Variants in RAPGEF5 observed in about 807,000 individuals in gnomAD.
The protein encoded by RAPGEF5 is Rap guanine nucleotide exchange factor 5.
RAPGEF5 carries 65 observed loss-of-function variants against 125.2 expected under a neutral mutation model. That is an observed-to-expected ratio of 0.52 (90% CI 0.43 to 0.64). The LOEUF (loss-of-function observed/expected upper bound fraction) is 0.64, where lower values mean the gene tolerates loss of function less well. Ranked by LOEUF, RAPGEF5 falls within the 30% of genes least tolerant of loss-of-function variation. RAPGEF5 has a pLI of 0.00. For synonymous variants in RAPGEF5, 391 were observed against 385.9 expected (o/e 1.01, Z -0.16); for missense variants, 958 against 1,048.1 (o/e 0.91, Z 1.19).
intron 24 of RAPGEF5, among the ~76,000 whole-genome samples, chr7:22,129,205 A>T (rs1225308695): frequency 1.3e-5 from 2 of 151,110 alleles, no homozygotes; most frequent in African/African-American, 4.9e-5. Context: ...TCTGAGGGGG[A>T]AATGACATAA....
chr7:22,210,877 T>C (rs1234635422), intron 9 of RAPGEF5, among the ~76,000 whole-genome samples: 2 of 152,158 alleles, frequency 1.3e-5, no homozygotes, highest in African/African-American at 4.8e-5. Flanking sequence ...CAGTTAAACC[T>C]AAGTACTGCA....
At position 22,119,243 on chromosome 7, in the gene RAPGEF5, T is replaced by C. The variant is rs1782505822; in HGVS notation, c.*3163A>G. 6.6e-6 allele frequency: 1 copy of C among 152,210 alleles called. No individual in the cohort carries two copies. The highest frequency in any genetic ancestry group is 2.1e-4 in the South Asian group (1 of 4,826). The allele number at this position is 152,210 out of a possible 1,614,324, so 9.4% of individuals were successfully genotyped here. On this transcript the variant is annotated 3_prime_UTR_variant, in exon 26 of 26. Transcript: ENST00000665637. The surrounding 1 kb of genome is among the most constrained non-coding windows in gnomAD (Gnocchi z 4.1). Reference sequence around the variant, plus strand: ...TCCTCCACTCAGAGGCAAGTATATATTCATGCAGCATCCTCTCCCTGTGGA... The same window carrying C: ...TCCTCCACTCAGAGGCAAGTATATACTCATGCAGCATCCTCTCCCTGTGGA...
intron 11 of RAPGEF5, among the ~76,000 whole-genome samples, chr7:22,190,722 T>C (rs1784967627): frequency 6.6e-6 from 1 of 152,190 alleles, no homozygotes; most frequent in Non-Finnish European, 1.5e-5. Flanking sequence ...TTTTCACAAA[T>C]TAGTGACTTT....
intron 18 of RAPGEF5, among the ~76,000 whole-genome samples, chr7:22,150,127 TG>T (rs1201210965): frequency 7.0e-6 from 1 of 141,956 alleles, no homozygotes; most frequent in Admixed American, 7.4e-5. Context: ...TCACCTGGGC[TG>T]GAGTGCAATG....
intron 1 of RAPGEF5, among the ~76,000 whole-genome samples, chr7:22,355,783 T>C (rs1034213579): frequency 2.0e-5 from 3 of 152,080 alleles, no homozygotes; most frequent in African/African-American, 4.8e-5. Flanking sequence ...TGAAAACAAG[T>C]GGTTATCCCT....
chr7:22,150,554 T>TAGC, intron 17 of RAPGEF5, 50 bp from the exon 18 acceptor site: 1 of 1,535,606 alleles, frequency 6.5e-7, no homozygotes, highest in Admixed American at 1.9e-5. Context: ...AATACAAGAG[T>TAGC]AGCAGCAGTA....
chr7:22,152,382 A>C (rs899136091), intron 17 of RAPGEF5, among the ~76,000 whole-genome samples: 7 of 152,204 alleles, frequency 4.6e-5, no homozygotes, highest in Non-Finnish European at 1.0e-4. Context: ...ATCTGAATTT[A>C]TGAGAGCCAT....
intron 7 of RAPGEF5, among the ~76,000 whole-genome samples, chr7:22,251,761 G>C (rs1786625442): frequency 9.3e-6 from 1 of 107,882 alleles, no homozygotes; most frequent in Admixed American, 1.2e-4. Flanking sequence ...AGCCCTGCCA[G>C]GAAGTTTCAT....
intron 1 of RAPGEF5, among the ~76,000 whole-genome samples, chr7:22,352,653 A>G (rs796987414): frequency 9.2e-5 from 14 of 152,282 alleles, no homozygotes; most frequent in African/African-American, 3.4e-4. Flanking sequence ...TCTTAATGAC[A>G]CTTAAAAAAG....
At chr7:22,332,974 C>T (rs1483825473) in intron 1 of RAPGEF5, among the ~76,000 whole-genome samples, 1 of 152,058 alleles carries the variant, frequency 6.6e-6, no homozygotes, top group Non-Finnish European at 1.5e-5. Flanking sequence ...TATATGGTTA[C>T]CCAGGTCACA....
intron 7 of RAPGEF5, among the ~76,000 whole-genome samples, chr7:22,260,753 T>C (rs1454824345): frequency 1.3e-5 from 2 of 152,048 alleles, no homozygotes; most frequent in Non-Finnish European, 2.9e-5. Context: ...TTCATGGAAC[T>C]TGACAAATTA....
At chr7:22,193,608 G>A (rs1785069228) in intron 10 of RAPGEF5, 153 bp from the exon 11 acceptor site, 3 of 1,550,908 alleles carry the variant, frequency 1.9e-6, no homozygotes, top group Non-Finnish European at 2.6e-6. Context: ...GCGCCGCGGC[G>A]GAATCTTTCC....
intron 11 of RAPGEF5, among the ~76,000 whole-genome samples, chr7:22,191,895 C>G (rs1785008189): frequency 6.6e-6 from 1 of 152,090 alleles, no homozygotes; most frequent in Non-Finnish European, 1.5e-5. Flanking sequence ...CTAATGTGAC[C>G]CAGACACAAA....
chr7:22,194,814 C>T, intron 9 of RAPGEF5: 1 of 959,038 alleles, frequency 1.0e-6, no homozygotes, highest in Non-Finnish European at 1.2e-6. Context: ...TGAGTGTGGC[C>T]CGCTGACGTG....
intron 11 of RAPGEF5, among the ~76,000 whole-genome samples, chr7:22,178,120 C>T (rs1328853344): frequency 6.6e-6 from 1 of 151,758 alleles, no homozygotes; most frequent in Non-Finnish European, 1.5e-5. Context: ...CTGACAATCA[C>T]GTGGAAGGAC....
intron 2 of RAPGEF5, among the ~76,000 whole-genome samples, chr7:22,316,472 T>C (rs999099579): frequency 1.9e-5 from 1 of 53,620 alleles, no homozygotes; most frequent in South Asian, 7.3e-4. Flanking sequence ...TATATATATA[T>C]ATATATATAT....
chr7:22,154,334 TG>T, intron 17 of RAPGEF5, 120 bp downstream of exon 17: 2 of 1,124,484 alleles, frequency 1.8e-6, no homozygotes, highest in Non-Finnish European at 2.5e-6. Context: ...ATTGTTACTG[TG>T]GTCATCCAGC....
chr7:22,337,171 CA>C (rs1248378166), intron 1 of RAPGEF5, among the ~76,000 whole-genome samples: 3 of 152,098 alleles, frequency 2.0e-5, no homozygotes, highest in Admixed American at 6.5e-5. Context: ...TAGACTTTTT[CA>C]AAGACAGTTT....
At chr7:22,183,636 T>C (rs1285480546) in intron 11 of RAPGEF5, among the ~76,000 whole-genome samples, 1 of 152,200 alleles carries the variant, frequency 6.6e-6, no homozygotes, top group Non-Finnish European at 1.5e-5. Flanking sequence ...TCTTCCATGC[T>C]GGCTGCAGTT....
Sources: gnomAD v4.1 joint callset for allele counts (sites outside exome capture counted in the v4.1 genomes callset) on GRCh38, gnomAD v4.1.1 for gene constraint, Gnocchi (gnomAD v3.1) non-coding constraint, MANE v1.5 for transcripts, NCBI Gene and HGNC (gene_info 2026-07-23, HGNC 2026-07-21) for gene names.